Variants in TRHDE observed in about 807,000 individuals in gnomAD.
TRHDE encodes thyrotropin-releasing hormone-degrading ectoenzyme.
In TRHDE, 72 loss-of-function variants were observed where a neutral mutation model predicts 125.7. The ratio of observed to expected loss-of-function variants is 0.57; its 90% confidence interval spans 0.47 to 0.70. The LOEUF is 0.70. Among genes scored for constraint, TRHDE ranks in the 30% least tolerant of loss-of-function variants. TRHDE has a pLI of 0.00. For missense variants in TRHDE, 1,110 were observed against 1,327.1 expected (o/e 0.84, Z 2.54); for synonymous variants, 509 against 509.1 (o/e 1.00, Z 0.00).
intron 6 of TRHDE, among the ~76,000 whole-genome samples, chr12:72,535,435 C>T (rs566023086): frequency 4.1e-4 from 62 of 152,172 alleles, no homozygotes; most frequent in Non-Finnish European, 7.8e-4. Flanking sequence ...GAGGTAGAGG[C>T]TTGGCCTCAG....
chr12:72,570,799 T>C (rs1288639982), intron 10 of TRHDE, among the ~76,000 whole-genome samples: 1 of 152,138 alleles, frequency 6.6e-6, no homozygotes, highest in Admixed American at 6.6e-5. Context: ...TAGATAACTG[T>C]AGGAGGCGCT....
chr12:72,528,685 C>T (rs1868392290), intron 6 of TRHDE, among the ~76,000 whole-genome samples: 1 of 152,006 alleles, frequency 6.6e-6, no homozygotes, highest in Non-Finnish European at 1.5e-5. Context: ...GACGGGGTTT[C>T]ACCATGTTGT....
At chr12:72,353,736 T>C (rs1870687991) in intron 2 of TRHDE, among the ~76,000 whole-genome samples, 1 of 151,634 alleles carries the variant, frequency 6.6e-6, no homozygotes, top group Non-Finnish European at 1.5e-5. Flanking sequence ...TAACAAAATA[T>C]ACCTTACCAC....
chr12:72,416,413 C>T (rs1297843109), intron 3 of TRHDE, among the ~76,000 whole-genome samples: 4 of 151,484 alleles, frequency 2.6e-5, no homozygotes, highest in Non-Finnish European at 4.4e-5. Flanking sequence ...CCATTTTTTG[C>T]TTTTTTTTCT....
intron 3 of TRHDE, among the ~76,000 whole-genome samples, chr12:72,393,788 G>T (rs950960209): frequency 1.3e-5 from 2 of 152,140 alleles, no homozygotes; most frequent in African/African-American, 4.8e-5. Context: ...AGAATGTTGA[G>T]CTGAGATGTG....
intron 2 of TRHDE, among the ~76,000 whole-genome samples, chr12:72,167,079 A>G (rs1054797426): frequency 1.2e-4 from 19 of 152,102 alleles, no homozygotes; most frequent in African/African-American, 3.9e-4. Context: ...TGTGTCCTTT[A>G]TGATTACTCT....
chr12:72,171,130 T>C (rs1345194043), intron 2 of TRHDE, among the ~76,000 whole-genome samples: 1 of 152,150 alleles, frequency 6.6e-6, no homozygotes, highest in East Asian at 1.9e-4. Context: ...TAAATTAACT[T>C]GTGCTCTTCT....
chr12:72,142,439 C>T (rs1566242927), intron 2 of TRHDE, among the ~76,000 whole-genome samples: 1 of 152,144 alleles, frequency 6.6e-6, no homozygotes, highest in African/African-American at 2.4e-5. Context: ...CTGCTGCAGA[C>T]CTGCATGGAT....
At chr12:72,382,251 T>A (rs1872218967) in intron 3 of TRHDE, among the ~76,000 whole-genome samples, 1 of 152,110 alleles carries the variant, frequency 6.6e-6, no homozygotes, top group Non-Finnish European at 1.5e-5. Flanking sequence ...GCTAGCAATA[T>A]GAAGGTCACC....
At chr12:72,149,925 T>C (rs141094183) in intron 2 of TRHDE, among the ~76,000 whole-genome samples, 170 of 152,326 alleles carry the variant, frequency 1.1e-3, no homozygotes, top group African/African-American at 4.0e-3. Context: ...ACTTTGATTC[T>C]TCATTAATGG....
At chr12:72,581,825 G>A (rs967687131) in intron 12 of TRHDE, among the ~76,000 whole-genome samples, 2 of 150,944 alleles carry the variant, frequency 1.3e-5, no homozygotes, top group African/African-American at 2.4e-5. Flanking sequence ...TGTAGGCACC[G>A]GGCGCAGTGG....
At chr12:72,614,215 T>A (rs982503076) in intron 12 of TRHDE, among the ~76,000 whole-genome samples, 1 of 151,652 alleles carries the variant, frequency 6.6e-6, no homozygotes, top group African/African-American at 2.4e-5. Context: ...GGGAAAAAAA[T>A]TCATACTATA....
intron 15 of TRHDE, among the ~76,000 whole-genome samples, chr12:72,635,218 A>G (rs1458121146): frequency 3.3e-5 from 5 of 151,908 alleles, no homozygotes; most frequent in Non-Finnish European, 7.4e-5. Context: ...ATGGTATCTC[A>G]TTGTGGTTTT....
chr12:72,238,317 TATATAC>T (rs1301865601), intron 2 of TRHDE, among the ~76,000 whole-genome samples: 429 of 31,482 alleles, frequency 0.014, 52 homozygotes, highest in Non-Finnish European at 0.018. Context: ...TATATATATA[TATATAC>T]ATATATATAT....
At chr12:72,516,076 G>T (rs779033557) in intron 6 of TRHDE, among the ~76,000 whole-genome samples, 2 of 151,820 alleles carry the variant, frequency 1.3e-5, no homozygotes, top group African/African-American at 4.9e-5. Flanking sequence ...GTCAGGTAGC[G>T]TGATGCCTCC....
At chr12:72,543,711 G>A (rs1415469835) in intron 7 of TRHDE, among the ~76,000 whole-genome samples, 1 of 150,698 alleles carries the variant, frequency 6.6e-6, no homozygotes, top group East Asian at 1.9e-4. Flanking sequence ...AATTCTTATT[G>A]TTTTTCTTCA....
Position 72,273,150 on chromosome 12 carries a change from G to T in TRHDE, c.507G>T (p.Pro169=). ...GTCCGGGGACCACGTCGGCCCAGCC[G>T]CCGTCGGAGGAGGAGCGGGAGCCGT... ...VASPGTTSAQ[P]PSEEEREPWE... Residue 169 remains proline, a synonymous_variant, in exon 1 of 19, where the codon CCG becomes CCT. Coordinates refer to ENST00000261180, the MANE Select transcript of TRHDE (RefSeq NM_013381.3). The surrounding 1 kb of genome is among the most constrained non-coding windows in gnomAD (Gnocchi z 5.3). 2 of 1,572,744 alleles carry T rather than the reference G, an allele frequency of 1.3e-6. No individual in the cohort carries two copies. Among genetic ancestry groups the T allele is most frequent in the Non-Finnish European group, 1.7e-6 (2 of 1,157,488 alleles).
chr12:72,597,207 T>G (rs1329666676), intron 12 of TRHDE, among the ~76,000 whole-genome samples: 1 of 152,232 alleles, frequency 6.6e-6, no homozygotes, highest in Admixed American at 6.5e-5. Flanking sequence ...CTCACTGATG[T>G]GAAAATACGA....
chr12:72,369,472 G>A (rs1426387909), intron 2 of TRHDE, among the ~76,000 whole-genome samples: 1 of 152,078 alleles, frequency 6.6e-6, no homozygotes. Flanking sequence ...ATGTAAAGGA[G>A]TAAAACTGTG....
Sources: allele counts gnomAD v4.1 joint callset (sites outside exome capture counted in the v4.1 genomes callset), GRCh38; gene constraint gnomAD v4.1.1; non-coding constraint Gnocchi (gnomAD v3.1); transcripts MANE v1.5; gene names NCBI Gene and HGNC (gene_info 2026-07-23, HGNC 2026-07-21).